LAMA2: variants seen among roughly 807,000 people sequenced by gnomAD.
LAMA2 encodes laminin subunit alpha-2.
In LAMA2, 269 loss-of-function variants were observed where a neutral mutation model predicts 364.8. That is an observed-to-expected ratio of 0.74 (90% CI 0.67 to 0.82). The LOEUF is 0.82. LAMA2 is among the 40% of genes least tolerant of loss of function. The probability of loss-of-function intolerance (pLI) is 0.00; values close to 1 mark genes in which losing one functional copy is unlikely to be tolerated. For missense variants in LAMA2, 3,807 were observed against 3,873.2 expected, an observed-to-expected ratio of 0.98 and a Z score of 0.45; for synonymous variants, 1,379 against 1,370.6, an observed-to-expected ratio of 1.01 and a Z score of -0.14.
intron 35 of LAMA2, 42 bp from the exon 36 acceptor site, chr6:129,391,449 T>A: frequency 6.6e-7 from 1 of 1,506,198 alleles, no homozygotes; most frequent in South Asian, 1.1e-5. Context: ...TCATGTGGCA[T>A]GTTTGTTTAC....
intron 13 of LAMA2, among the ~76,000 whole-genome samples, chr6:129,251,274 A>G (rs551562583): frequency 3.3e-5 from 5 of 152,032 alleles, no homozygotes; most frequent in Admixed American, 3.3e-4. Context: ...TCCTATTTTG[A>G]GAATTAGACT....
At position 129,190,311 on chromosome 6, in the gene LAMA2, A is replaced by G; in HGVS notation, c.1574A>G (p.Asn525Ser). The G allele has an allele frequency of 2.5e-6, 4 of 1,613,576 alleles. No homozygotes were observed. The highest frequency in any genetic ancestry group is 3.4e-6 in the Non-Finnish European group (4 of 1,179,558). ...GAGTGTTTCTGTTCAGGGGTTTCAAACAGATGTCAGAGTTCCTACTGGACC... is the reference window on the plus strand; with the variant it reads ...GAGTGTTTCTGTTCAGGGGTTTCAAGCAGATGTCAGAGTTCCTACTGGACC... ...CDECFCSGVS[N>S]RCQSSYWTYG... The change falls in exon 11 of 65, where the codon AAC (asparagine) becomes AGC (serine). Residue 525 changes from asparagine to serine, a missense_variant. Transcript: ENST00000421865.
At chr6:128,984,586 A>G (rs917947506) in intron 1 of LAMA2, among the ~76,000 whole-genome samples, 8 of 152,300 alleles carry the variant, frequency 5.3e-5, no homozygotes, top group African/African-American at 1.7e-4. Context: ...TTGAATTACA[A>G]GTTTCTCATA....
chr6:129,465,338 A>G (rs758333844), intron 51 of LAMA2, 49 bp downstream of exon 51: 1 of 1,444,942 alleles, frequency 6.9e-7, no homozygotes, highest in Non-Finnish European at 9.7e-7. Flanking sequence ...CATGAAATCC[A>G]AAGTGCACAT....
chr6:129,137,033 G>C (rs1000613217), intron 4 of LAMA2, among the ~76,000 whole-genome samples: 1 of 152,116 alleles, frequency 6.6e-6, no homozygotes, highest in Admixed American at 6.6e-5. Context: ...GGAAAGACCT[G>C]TTAAGTCTAA....
chr6:129,357,985 A>G (rs1488641423), intron 32 of LAMA2, among the ~76,000 whole-genome samples: 1 of 151,938 alleles, frequency 6.6e-6, no homozygotes, highest in East Asian at 1.9e-4. Context: ...TGTACCCCCT[A>G]AATGTCATCC....
chr6:129,197,357 G>A (rs1220587712), intron 12 of LAMA2, among the ~76,000 whole-genome samples: 1 of 152,144 alleles, frequency 6.6e-6, no homozygotes, highest in Non-Finnish European at 1.5e-5. Context: ...TACATGACAA[G>A]AACCGTGGCT....
At chr6:129,302,725 T>C (rs1158932529) in intron 22 of LAMA2, among the ~76,000 whole-genome samples, 1 of 152,124 alleles carries the variant, frequency 6.6e-6, no homozygotes, top group Non-Finnish European at 1.5e-5. Flanking sequence ...AAGACTATCC[T>C]TTTTCCCATT....
At chr6:129,435,171 C>T (rs1434033867) in intron 41 of LAMA2, among the ~76,000 whole-genome samples, 2 of 152,120 alleles carry the variant, frequency 1.3e-5, no homozygotes, top group East Asian at 3.8e-4. Flanking sequence ...AATTAATGAT[C>T]TTTCTCACCA....
intron 2 of LAMA2, among the ~76,000 whole-genome samples, chr6:129,052,645 C>G (rs1788161041): frequency 6.6e-6 from 1 of 152,132 alleles, no homozygotes; most frequent in East Asian, 1.9e-4. Flanking sequence ...ATCACCCAAA[C>G]TTCATAGACT....
intron 14 of LAMA2, among the ~76,000 whole-genome samples, chr6:129,259,902 T>C (rs1787002765): frequency 6.6e-6 from 1 of 152,112 alleles, no homozygotes; most frequent in African/African-American, 2.4e-5. Flanking sequence ...AATTAAGCTT[T>C]TAAGATGTCC....
chr6:129,250,292 C>A, intron 13 of LAMA2, 79 bp downstream of exon 13: 1 of 884,808 alleles, frequency 1.1e-6, no homozygotes, highest in Non-Finnish European at 1.9e-6. Context: ...TTTTACCTGC[C>A]TGGTTTGACA....
At chr6:129,121,124 C>T (rs1470369411) in intron 4 of LAMA2, among the ~76,000 whole-genome samples, 3 of 152,126 alleles carry the variant, frequency 2.0e-5, no homozygotes, top group Non-Finnish European at 2.9e-5. Flanking sequence ...AAGACAAAGA[C>T]CTCCTTCTCC....
chr6:128,907,803 T>C lies in LAMA2; in HGVS notation c.112+24446T>C, dbSNP rs1410610058. Among the ~76,000 whole-genome samples, 4 of 152,250 alleles carry C rather than the reference T, an allele frequency of 2.6e-5. No individual in the cohort carries two copies. The East Asian group carries it at 7.7e-4, about 29-fold the overall frequency. ...AGATAGCTCTTATTATTTTGAAATA[T>C]GTCCCATCAATACCTAATTTATTGA... On this transcript the variant is annotated intron_variant, in intron 1 of 64. Coordinates refer to ENST00000421865, the MANE Select transcript of LAMA2 (RefSeq NM_000426.4).
intron 43 of LAMA2, chr6:129,442,079 C>A: frequency 4.0e-6 from 2 of 494,322 alleles, no homozygotes; most frequent in Non-Finnish European, 7.3e-6. Context: ...AAGAGACTAG[C>A]CCTCTTTATA....
intron 1 of LAMA2, among the ~76,000 whole-genome samples, chr6:129,010,984 C>CT (rs1397008809): frequency 2.0e-5 from 3 of 151,948 alleles, no homozygotes; most frequent in South Asian, 2.1e-4. Flanking sequence ...CAGATTTATT[C>CT]TTTTTTTTCT....
chr6:128,970,458 A>G (rs1380050032), intron 1 of LAMA2, among the ~76,000 whole-genome samples: 1 of 152,182 alleles, frequency 6.6e-6, no homozygotes, highest in East Asian at 1.9e-4. Context: ...GATTTTACCA[A>G]CACCTTGTGG....
intron 1 of LAMA2, among the ~76,000 whole-genome samples, chr6:128,926,230 C>T (rs1006003642): frequency 6.6e-6 from 1 of 151,810 alleles, no homozygotes; most frequent in African/African-American, 2.4e-5. Context: ...TCTGAGTTTT[C>T]TGAGTTTTGA....
Position 129,400,152 on chromosome 6 carries a change from T to C in LAMA2, c.5446-1072T>C, listed in dbSNP as rs537689359. Among the ~76,000 whole-genome samples the C allele has an allele frequency of 4.6e-5, 7 of 152,302 alleles. No homozygotes were observed. In the South Asian group the frequency reaches 1.5e-3, roughly 32 times the overall value. ...CCGTTTTCACTGTGTCCTCACATGG[T>C]AAAAGGATGAACAAGCTCCTTCAGG... is the stretch of plus-strand genomic sequence containing the variant. On this transcript the variant is annotated intron_variant, in intron 37 of 64. Transcript: ENST00000421865.
Sources: allele counts gnomAD v4.1 joint callset (sites outside exome capture counted in the v4.1 genomes callset), GRCh38; gene constraint gnomAD v4.1.1; transcripts MANE v1.5; gene names NCBI Gene and HGNC (gene_info 2026-07-23, HGNC 2026-07-21).